Variants in PLCZ1 observed in about 807,000 individuals in gnomAD.
PLCZ1 encodes 1-phosphatidylinositol 4,5-bisphosphate phosphodiesterase zeta-1.
In PLCZ1, 64 loss-of-function variants were observed where a neutral mutation model predicts 76.8. The ratio of observed to expected loss-of-function variants is 0.83; its 90% CI spans 0.68 to 1.03. PLCZ1 has a LOEUF of 1.03. Among genes scored for constraint, PLCZ1 ranks in the 50% least tolerant of loss-of-function variants. The pLI, the probability that PLCZ1 is intolerant of heterozygous loss-of-function variation, is 0.00. For missense variants in PLCZ1, 751 were observed against 713.7 expected, an observed-to-expected ratio of 1.05 and a Z score of -0.60; for synonymous variants, 248 against 230.8, an observed-to-expected ratio of 1.07 and a Z score of -0.68.
intron 3 of PLCZ1, among the ~76,000 whole-genome samples, chr12:18,725,762 T>A (rs574212802): frequency 6.6e-6 from 1 of 152,254 alleles, no homozygotes; most frequent in African/African-American, 2.4e-5. Context: ...ATGGTACCTA[T>A]GTTTCTCGTT....
intron 7 of PLCZ1, among the ~76,000 whole-genome samples, chr12:18,702,949 T>C (rs1233035513): frequency 6.6e-6 from 1 of 151,056 alleles, no homozygotes; most frequent in Non-Finnish European, 1.5e-5. Flanking sequence ...GCCTCCCAAG[T>C]AGCTGGGATT....
chr12:18,655,277 A>G, the PLCZ1 span, among the ~76,000 whole-genome samples: 1 of 152,150 alleles, frequency 6.6e-6, no homozygotes, highest in Non-Finnish European at 1.5e-5. Flanking sequence ...GAAGGAAAAA[A>G]ATATTCCCAA....
intron 11 of PLCZ1, 67 bp from the exon 12 acceptor site, chr12:18,695,146 T>C: frequency 1.4e-6 from 2 of 1,455,266 alleles, no homozygotes; most frequent in Non-Finnish European, 1.9e-6. Context: ...CACAAACCAC[T>C]TACTGAAATC....
At chr12:18,687,956 C>G (rs1953413887) in intron 13 of PLCZ1, 133 bp downstream of exon 13, 10 of 1,192,886 alleles carry the variant, frequency 8.4e-6, no homozygotes, top group Non-Finnish European at 1.2e-5. Flanking sequence ...TAACATTTTG[C>G]TAATTTTGGA....
chr12:18,660,268 G>A, the PLCZ1 span, among the ~76,000 whole-genome samples: 149 of 152,080 alleles, frequency 9.8e-4, 10 homozygotes, highest in Non-Finnish European at 1.2e-4. Flanking sequence ...GCCGAAACCA[G>A]CAGGAGCCAT....
chr12:18,719,863 T>C (rs1292061974), intron 4 of PLCZ1, among the ~76,000 whole-genome samples: 1 of 152,052 alleles, frequency 6.6e-6, no homozygotes, highest in Admixed American at 6.6e-5. Context: ...AATTATCTCT[T>C]TTTTTATGTT....
At chr12:18,717,136 T>G in intron 5 of PLCZ1, among the ~76,000 whole-genome samples, 1 of 152,166 alleles carries the variant, frequency 6.6e-6, no homozygotes, top group East Asian at 1.9e-4. Context: ...CAATTAAATT[T>G]AAGTGTAAAT....
At chr12:18,685,363 T>C (rs1289227826) in intron 13 of PLCZ1, 4 of 161,792 alleles carry the variant, frequency 2.5e-5, no homozygotes, top group Non-Finnish European at 5.5e-5. Flanking sequence ...GAAATTCACA[T>C]CCAGATTAAA....
intron 3 of PLCZ1, among the ~76,000 whole-genome samples, chr12:18,733,577 T>C (rs1460513103): frequency 6.6e-6 from 1 of 152,184 alleles, no homozygotes; most frequent in African/African-American, 2.4e-5. Context: ...CCTATTTTCT[T>C]CTATGAGTTT....
intron 9 of PLCZ1, among the ~76,000 whole-genome samples, chr12:18,700,512 CAAAAAAAAAA>C (rs11324526): frequency 7.4e-5 from 5 of 67,898 alleles, no homozygotes; most frequent in South Asian, 8.9e-4. Flanking sequence ...AGCCAACGTA[CAAAAAAAAAA>C]AAAAAAAAAA....
At chr12:18,735,739 CCTCT>C (rs1359822450) in intron 3 of PLCZ1, 1 of 152,512 alleles carries the variant, frequency 6.6e-6, no homozygotes, top group East Asian at 1.9e-4. Context: ...TTATTTGACT[CCTCT>C]CTCTTTTTTC....
At chr12:18,654,670 C>A in the PLCZ1 span, among the ~76,000 whole-genome samples, 2 of 152,162 alleles carry the variant, frequency 1.3e-5, no homozygotes, top group Non-Finnish European at 2.9e-5. Flanking sequence ...AAAGGGAAAT[C>A]AGACAAGATG....
At chr12:18,709,190 G>A (rs1402444963) in intron 6 of PLCZ1, among the ~76,000 whole-genome samples, 1 of 152,084 alleles carries the variant, frequency 6.6e-6, no homozygotes, top group African/African-American at 2.4e-5. Flanking sequence ...ATGATTTGTT[G>A]TGTATGGTAT....
At chr12:18,713,757 C>T (rs1304799532) in intron 5 of PLCZ1, 3 of 152,176 alleles carry the variant, frequency 2.0e-5, no homozygotes, top group Admixed American at 2.0e-4. Context: ...AAGTTCACAG[C>T]TTTATCAAAA....
chr12:18,723,429 G>A lies in PLCZ1; in HGVS notation c.249C>T (p.Asn83=). Residue 83 remains asparagine, a synonymous_variant, in exon 4 of 15, where the codon AAC becomes AAT. Coordinates refer to ENST00000266505, the MANE Select transcript of PLCZ1 (RefSeq NM_033123.4). ...IIEIFNTYSE[N]RKILLASNLA... ...GATTACTTGCTAAAAGAATTTTCCG[G>A]TTTTCAGAATATGTGTTGAAAATCT... 2.5e-6 allele frequency: 4 copies of A among 1,612,918 alleles called. No homozygotes were observed. Among genetic ancestry groups the A allele is most frequent in the Non-Finnish European group, 3.4e-6 (4 of 1,179,408 alleles).
intron 4 of PLCZ1, among the ~76,000 whole-genome samples, chr12:18,722,369 G>C (rs1958492702): frequency 6.6e-6 from 1 of 151,910 alleles, no homozygotes; most frequent in African/African-American, 2.4e-5. Context: ...AACCATACTT[G>C]GTTACTACAG....
At chr12:18,660,359 C>A in the PLCZ1 span, among the ~76,000 whole-genome samples, 14 of 152,106 alleles carry the variant, frequency 9.2e-5, no homozygotes, top group African/African-American at 2.9e-4. Flanking sequence ...GAGACACAGA[C>A]AAAGGTGGGA....
intron 10 of PLCZ1, 56 bp from the exon 11 acceptor site, chr12:18,696,322 C>CTATATATATATATATATGTATATATA (rs1954990776): frequency 4.0e-6 from 1 of 253,072 alleles, no homozygotes. Flanking sequence ...TAAAAAGCCA[C>CTATATATATATATATATGTATATATA]TATATATATA....
At chr12:18,715,249 G>C (rs1276808879) in intron 5 of PLCZ1, among the ~76,000 whole-genome samples, 1 of 135,130 alleles carries the variant, frequency 7.4e-6, no homozygotes, top group Non-Finnish European at 1.5e-5. Context: ...GGGAATAATA[G>C]AGATAAAAGT....
Sources: allele counts gnomAD v4.1 joint callset (sites outside exome capture counted in the v4.1 genomes callset), GRCh38; gene constraint gnomAD v4.1.1; transcripts MANE v1.5; gene names NCBI Gene and HGNC (gene_info 2026-07-23, HGNC 2026-07-21).